Variants in SMIM35 observed in about 807,000 individuals in gnomAD.
SMIM35 encodes TMPRSS4 antisense RNA 1 (non-protein coding).
intron 1 of SMIM35, 141 bp downstream of exon 1, chr11:118,086,610 T>A (rs1211799093): frequency 6.5e-6 from 1 of 152,754 alleles, no homozygotes; most frequent in African/African-American, 2.4e-5. Context: ...CCCAGGATAC[T>A]TGGAAGTCGG....
At chr11:118,007,663 G>A (rs1029766019) in intron 4 of SMIM35, among the ~76,000 whole-genome samples, 5 of 151,910 alleles carry the variant, frequency 3.3e-5, no homozygotes, top group African/African-American at 1.2e-4. Flanking sequence ...CAAAGTGCTG[G>A]GATTATAGGT....
intron 1 of SMIM35, among the ~76,000 whole-genome samples, chr11:118,062,526 C>T (rs985295528): frequency 2.6e-5 from 4 of 152,150 alleles, no homozygotes; most frequent in African/African-American, 9.7e-5. Context: ...TGGGAGTCAA[C>T]AATGGAGACA....
chr11:118,049,232 G>T (rs982660023), intron 1 of SMIM35, among the ~76,000 whole-genome samples: 1 of 152,018 alleles, frequency 6.6e-6, no homozygotes, highest in East Asian at 1.9e-4. Flanking sequence ...AGAGTGGCCG[G>T]GAGACTGGTC....
intron 1 of SMIM35, among the ~76,000 whole-genome samples, chr11:118,020,656 C>T (rs185401317): frequency 5.3e-5 from 8 of 152,216 alleles, no homozygotes; most frequent in African/African-American, 7.2e-5. Context: ...TGAACAGGAG[C>T]TTGTTTTGTG....
chr11:118,084,942 T>A (rs955922923), intron 1 of SMIM35, among the ~76,000 whole-genome samples: 2 of 152,154 alleles, frequency 1.3e-5, no homozygotes, highest in Non-Finnish European at 2.9e-5. Context: ...CCCCTTCTGA[T>A]CAAGGCAGCT....
intron 1 of SMIM35, among the ~76,000 whole-genome samples, chr11:118,020,471 T>C (rs1432099050): frequency 6.6e-6 from 1 of 152,220 alleles, no homozygotes. Context: ...TTTATTTGGA[T>C]AAAACTTATA....
intron 1 of SMIM35, among the ~76,000 whole-genome samples, chr11:118,044,102 G>C (rs1054750092): frequency 3.9e-5 from 6 of 151,994 alleles, no homozygotes; most frequent in Admixed American, 3.9e-4. Context: ...TGGAGAGAAG[G>C]AGTTCCTAAA....
intron 1 of SMIM35, among the ~76,000 whole-genome samples, chr11:118,082,749 C>T (rs914129386): frequency 3.3e-5 from 5 of 152,016 alleles, no homozygotes; most frequent in South Asian, 2.1e-4. Flanking sequence ...AGACCATTAA[C>T]GATAGAAAAT....
At chr11:118,060,468 T>C (rs1382686801) in intron 1 of SMIM35, among the ~76,000 whole-genome samples, 1 of 152,208 alleles carries the variant, frequency 6.6e-6, no homozygotes, top group African/African-American at 2.4e-5. Context: ...CTGCAGTCTG[T>C]TTCGATTCAG....
chr11:118,049,495 C>T (rs1366550664), intron 1 of SMIM35, among the ~76,000 whole-genome samples: 2 of 151,604 alleles, frequency 1.3e-5, no homozygotes, highest in Non-Finnish European at 2.9e-5. Flanking sequence ...ATTACAGGCA[C>T]ACACCACCAC....
rs543767558 is a variant in SMIM35 at position 118,076,914 on chromosome 11, G to A, written c.7+9837C>T. Reference sequence around the variant, plus strand: ...ATTCAGGCGGGAAGGCTTTTGTTACGCCTTAGGTGTGTCACCTGTTCTGAG... The same window carrying A: ...ATTCAGGCGGGAAGGCTTTTGTTACACCTTAGGTGTGTCACCTGTTCTGAG... On this transcript the variant is annotated intron_variant, in intron 1 of 4. Coordinates refer to ENST00000689828, the MANE Select transcript of SMIM35 (RefSeq NM_001394165.1). 6.1e-4 allele frequency: 117 copies of A among 191,042 alleles called. 1 individual carries two copies. The highest frequency in any genetic ancestry group is 6.7e-4 in the Admixed American group (11 of 16,402). 11.8% of individuals were successfully genotyped at this position (191,042 alleles called of 1,614,324 possible).
At chr11:118,075,903 G>A (rs970227666) in intron 1 of SMIM35, among the ~76,000 whole-genome samples, 2 of 137,490 alleles carry the variant, frequency 1.5e-5, no homozygotes, top group Non-Finnish European at 3.1e-5. Context: ...GTGGCTGTAA[G>A]GTTTCACCTT....
chr11:118,013,589 A>G (rs59452182), intron 4 of SMIM35, 159 bp downstream of exon 4: 4,665 of 383,284 alleles, frequency 0.012, 161 homozygotes, highest in African/African-American at 0.083. Flanking sequence ...GGGGGAAAAC[A>G]TGACCCAAGC....
At chr11:118,071,579 G>T (rs77719283) in intron 1 of SMIM35, among the ~76,000 whole-genome samples, 5 of 152,140 alleles carry the variant, frequency 3.3e-5, no homozygotes, top group African/African-American at 7.2e-5. Flanking sequence ...CACCCACTGC[G>T]CCCTTCTCTA....
chr11:118,044,437 T>G (rs1944060235), intron 1 of SMIM35, among the ~76,000 whole-genome samples: 1 of 152,058 alleles, frequency 6.6e-6, no homozygotes, highest in Non-Finnish European at 1.5e-5. Context: ...CCAGGAGATC[T>G]TGCAAATGGT....
rs547367445 is a variant in SMIM35 at position 118,049,626 on chromosome 11, G to A, written c.8-33817C>T. 4.6e-5 allele frequency among the ~76,000 whole-genome samples: 7 copies of A among 152,186 alleles called. No individual in the cohort carries two copies. In the South Asian group the frequency reaches 1.5e-3, roughly 32 times the overall value. On this transcript the variant is annotated intron_variant, in intron 1 of 4. Coordinates refer to ENST00000689828, the MANE Select transcript of SMIM35 (RefSeq NM_001394165.1). ...GGCCTCCCAAAGTGCTGGGATTACA[G>A]GCATGAGCCACCGCACCTGGCCCAT...
chr11:118,068,461 TCAGTGTCCAGCA>T (rs1278852615), intron 1 of SMIM35, among the ~76,000 whole-genome samples: 1 of 152,182 alleles, frequency 6.6e-6, no homozygotes, highest in Non-Finnish European at 1.5e-5. Context: ...CTTTGTGTCC[TCAGTGTCCAGCA>T]CACTAGAGGC....
chr11:118,033,876 T>C (rs139032809), intron 1 of SMIM35, among the ~76,000 whole-genome samples: 54 of 152,360 alleles, frequency 3.5e-4, no homozygotes, highest in African/African-American at 1.1e-3. Context: ...ACTTACAATG[T>C]GTCCATGAGC....
intron 1 of SMIM35, among the ~76,000 whole-genome samples, chr11:118,023,689 A>G (rs1048271326): frequency 6.6e-6 from 1 of 152,090 alleles, no homozygotes; most frequent in Admixed American, 6.6e-5. Flanking sequence ...TTGAAGGCAT[A>G]GCAATAGGAA....
Sources: gnomAD v4.1 joint callset for allele counts (sites outside exome capture counted in the v4.1 genomes callset) on GRCh38, gnomAD v4.1.1 for gene constraint, MANE v1.5 for transcripts, NCBI Gene and HGNC (gene_info 2026-07-23, HGNC 2026-07-21) for gene names.